The following MAPKBP1 variants were observed in gnomAD, a reference collection of about 807,000 sequenced individuals.
MAPKBP1 encodes mitogen-activated protein kinase binding protein 1.
A neutral mutation model predicts 170.5 loss-of-function variants in MAPKBP1; 71 were observed. The observed-to-expected ratio is 0.42, with a 90% CI of 0.34 to 0.51. The LOEUF is 0.51. Ranked by LOEUF, MAPKBP1 falls within the 20% of genes least tolerant of loss-of-function variation. The pLI, the probability that MAPKBP1 is intolerant of heterozygous loss-of-function variation, is 0.06. For missense variants in MAPKBP1, 1,598 were observed against 1,933.0 expected (o/e 0.83, Z 3.25); for synonymous variants, 719 against 757.9 (o/e 0.95, Z 0.84).
At chr15:41,799,732 C>T in intron 2 of MAPKBP1, 91 bp from the exon 3 acceptor site, 4 of 921,884 alleles carry the variant, frequency 4.3e-6, no homozygotes, top group Non-Finnish European at 7.0e-6. Context: ...TGGAAAGTAG[C>T]CAGTGCCTCA....
At chr15:41,784,538 C>T (rs2064247515) in intron 2 of MAPKBP1, among the ~76,000 whole-genome samples, 1 of 151,654 alleles carries the variant, frequency 6.6e-6, no homozygotes, top group Non-Finnish European at 1.5e-5. Context: ...AATCCCAGCA[C>T]TTTGGGAGGC....
chr15:41,804,825 T>C (rs2064661845), intron 3 of MAPKBP1, among the ~76,000 whole-genome samples: 1 of 152,236 alleles, frequency 6.6e-6, no homozygotes, highest in African/African-American at 2.4e-5. Context: ...TTTGATTTCT[T>C]AGAACTTGAA....
chr15:41,814,626 C>G lies in MAPKBP1; in HGVS notation c.1057C>G (p.Leu353Val). The change falls in exon 10 of 31, where the codon CTG (leucine) becomes GTG (valine). Residue 353 changes from leucine (L) to valine (V), a missense_variant. Physicochemically the swap from Leu to Val is conservative, Grantham distance 32. Around this residue, in one of 6 missense-constraint regions of MAPKBP1, gnomAD observed 430 missense variants for 617.2 expected, o/e 0.70. Transcript: ENST00000457542. ...ALTFDPTNQWLSCVYNDHSIY... is the reference protein window; with the variant it reads ...ALTFDPTNQWVSCVYNDHSIY... ...GACCTTTGATCCTACTAATCAGTGG[C>G]TGTCTTGTGTGTACAACGATCATAG... The G allele has an allele frequency of 6.2e-7, 1 of 1,614,222 alleles. No homozygotes were observed. Among genetic ancestry groups the G allele is most frequent in the Non-Finnish European group, 8.5e-7 (1 of 1,180,046 alleles).
Position 41,818,078 on chromosome 15 carries a change from C to T in MAPKBP1, c.1974C>T (p.Leu658=), listed in dbSNP as rs149750128. The change falls in exon 17 of 31, where the codon CTC becomes CTT. Residue 658 remains leucine, a synonymous_variant. Transcript: ENST00000457542. This position sits in a 1 kb window ranked among gnomAD's most constrained non-coding sequence, Gnocchi z 5.2. Reference sequence around the variant, plus strand: ...GGTCACAGGGTGAGGACGGCACACTCATTAAGGTAAGGACCCAGAGGGGGT... The same window carrying T: ...GGTCACAGGGTGAGGACGGCACACTTATTAAGGTAAGGACCCAGAGGGGGT... ...FKGSQGEDGT[L]IKVQTDPSGI... is the part of the protein sequence containing the mutation. 3.7e-6 allele frequency: 6 copies of T among 1,614,066 alleles called. No homozygotes were observed. The highest frequency in any genetic ancestry group is 2.7e-5 in the African/African-American group (2 of 75,012).
Position 41,823,758 on chromosome 15 carries a change from C to T in MAPKBP1, c.3910C>T (p.Leu1304=). The T allele has an allele frequency of 6.2e-7, 1 of 1,614,202 alleles. No individual in the cohort carries two copies. The highest frequency in any genetic ancestry group is 8.5e-7 in the Non-Finnish European group (1 of 1,180,040). The change falls in exon 29 of 31, where the codon CTG becomes TTG. Residue 1304 remains leucine, a synonymous_variant. Coordinates refer to ENST00000457542, the MANE Select transcript of MAPKBP1 (RefSeq NM_014994.3). ...IPKPLPDRPT[L]AAFSPVTKGR... ...CAAACCACTGCCTGACCGTCCTACC[C>T]TGGCTGCATTCTCTCCTGTCACCAA...
At chr15:41,788,350 G>C (rs2152070350) in intron 2 of MAPKBP1, among the ~76,000 whole-genome samples, 1 of 152,342 alleles carries the variant, frequency 6.6e-6, no homozygotes, top group Non-Finnish European at 1.5e-5. Flanking sequence ...TAAGCATACA[G>C]TTATATGAGA....
At position 41,774,520 on chromosome 15, in the gene MAPKBP1, C is replaced by T; in HGVS notation, c.-200C>T. 2 of 398,528 alleles carry T rather than the reference C, an allele frequency of 5.0e-6. No homozygotes were observed. The highest frequency in any genetic ancestry group is 6.3e-4 in the Middle Eastern group (1 of 1,590). 24.7% of individuals were successfully genotyped at this position (398,528 alleles called of 1,614,324 possible). A position where few individuals can be genotyped will look rare whatever the true frequency, so the allele number is the denominator to read the frequency against. The stretch of plus-strand genomic sequence containing the variant: ...GCCACCATAGCTCCTGCTGCTGCCT[C>T]TACCGCTGCGGCTACCGCGGCGGAG... On this transcript the variant is annotated 5_prime_UTR_variant, in exon 1 of 31. Coordinates refer to ENST00000457542, the MANE Select transcript of MAPKBP1 (RefSeq NM_014994.3).
intron 2 of MAPKBP1, among the ~76,000 whole-genome samples, chr15:41,781,342 T>C (rs754660454): frequency 6.6e-6 from 1 of 152,058 alleles, no homozygotes; most frequent in Non-Finnish European, 1.5e-5. Flanking sequence ...TCCAAAAGTG[T>C]GCAATGCTTT....
Position 41,817,470 on chromosome 15 carries a change from G to A in MAPKBP1, c.1782+12G>A. The A allele has an allele frequency of 1.9e-6, 3 of 1,613,952 alleles. No homozygotes were observed. The highest frequency in any genetic ancestry group is 2.5e-6 in the Non-Finnish European group (3 of 1,179,818). ...GCACTGCGCAGAAGGTGAGGGCGCTGGGCTTTCCTGAGAGGGGCGGGACAG... is the reference window on the plus strand; with the variant it reads ...GCACTGCGCAGAAGGTGAGGGCGCTAGGCTTTCCTGAGAGGGGCGGGACAG... On this transcript the variant is annotated intron_variant, in intron 15 of 30. Coordinates refer to ENST00000457542, the MANE Select transcript of MAPKBP1 (RefSeq NM_014994.3). The surrounding 1 kb of genome is among the most constrained non-coding windows in gnomAD (Gnocchi z 4.2).
chr15:41,784,277 C>T (rs1316578881), intron 2 of MAPKBP1, among the ~76,000 whole-genome samples: 3 of 152,086 alleles, frequency 2.0e-5, no homozygotes, highest in Admixed American at 1.3e-4. Context: ...TTGTAAGGCC[C>T]GTACAGCAGC....
rs373682432 is a variant in MAPKBP1 at position 41,817,883 on chromosome 15, A to G, written c.1905-126A>G. 1 of 1,529,434 alleles carries G rather than the reference A, an allele frequency of 6.5e-7. No homozygotes were observed. 94.7% of individuals were successfully genotyped at this position (1,529,434 alleles called of 1,614,324 possible). Reference sequence around the variant, plus strand: ...TACTTTGCTTCACCCAAGAGGTGGTAGCCTGTTTGCTGCTGGGGGTAGCTC... The same window carrying G: ...TACTTTGCTTCACCCAAGAGGTGGTGGCCTGTTTGCTGCTGGGGGTAGCTC... On this transcript the variant is annotated intron_variant, in intron 16 of 30. Coordinates refer to ENST00000457542, the MANE Select transcript of MAPKBP1 (RefSeq NM_014994.3). This position sits in a 1 kb window ranked among gnomAD's most constrained non-coding sequence, Gnocchi z 4.2.
At position 41,813,105 on chromosome 15, in the gene MAPKBP1, A is replaced by G. The variant is rs776503500; in HGVS notation, c.819+4A>G. ...GGACAAGTGGGTGGAGCTGAGGGTAAGTACCTCCGTCCCCAGGGGTAGGGT... is the reference window on the plus strand; with the variant it reads ...GGACAAGTGGGTGGAGCTGAGGGTAGGTACCTCCGTCCCCAGGGGTAGGGT... On this transcript the variant is annotated splice_donor_region_variant and intron_variant, in intron 8 of 30. Transcript: ENST00000457542. 4 of 1,596,068 alleles carry G rather than the reference A, an allele frequency of 2.5e-6. No individual in the cohort carries two copies. The Admixed American group carries it at 6.8e-5, about 27-fold the overall frequency.
At chr15:41,813,821 AC>A in intron 9 of MAPKBP1, 40 bp downstream of exon 9, 2 of 1,535,628 alleles carry the variant, frequency 1.3e-6, no homozygotes, top group Non-Finnish European at 1.7e-6. Context: ...TTGTAGCCTT[AC>A]CCCTGCCCAG....
intron 3 of MAPKBP1, among the ~76,000 whole-genome samples, chr15:41,802,182 C>T (rs1282136932): frequency 6.6e-6 from 1 of 152,116 alleles, no homozygotes; most frequent in Non-Finnish European, 1.5e-5. Context: ...TAAAAAGGCA[C>T]ACCTGTATAA....
At chr15:41,824,650 A>G in intron 30 of MAPKBP1, 81 bp downstream of exon 30, 2 of 1,322,746 alleles carry the variant, frequency 1.5e-6, no homozygotes. Context: ...CCAGAACAGT[A>G]TGCTAAGCCT....
chr15:41,786,143 T>A (rs886463673), intron 2 of MAPKBP1, among the ~76,000 whole-genome samples: 2 of 152,212 alleles, frequency 1.3e-5, no homozygotes, highest in Non-Finnish European at 2.9e-5. Flanking sequence ...TTTATGTTAA[T>A]GATTATTTAT....
intron 2 of MAPKBP1, among the ~76,000 whole-genome samples, chr15:41,796,552 C>T (rs2064492806): frequency 6.6e-6 from 1 of 152,192 alleles, no homozygotes; most frequent in African/African-American, 2.4e-5. Context: ...GCTGATGCCC[C>T]TGAATGTTTT....
At position 41,782,816 on chromosome 15, in the gene MAPKBP1, TA is replaced by T. The variant is rs201221807; in HGVS notation, c.114+7437del. Reference sequence around the variant, plus strand: ...GGGGGAAAAAAAAGGGACAGTTCCTTAAAAAAAAAATACTTTGTCCCCAACA... The same window carrying T: ...GGGGGAAAAAAAAGGGACAGTTCCTTAAAAAAAAATACTTTGTCCCCAACA... On this transcript the variant is annotated intron_variant, in intron 2 of 30. Coordinates refer to ENST00000457542, the MANE Select transcript of MAPKBP1 (RefSeq NM_014994.3). Among the ~76,000 whole-genome samples the T allele has an allele frequency of 3.3e-4, 49 of 149,394 alleles. No homozygotes were observed. The South Asian group carries it at 7.2e-3, about 22-fold the overall frequency.
chr15:41,815,725 C>A lies in MAPKBP1; in HGVS notation c.1419C>A (p.Arg473=), dbSNP rs150429615. The A allele has an allele frequency of 6.2e-6, 10 of 1,614,066 alleles. No homozygotes were observed. The African/African-American group carries it at 1.3e-4, about 22-fold the overall frequency. ...CTGATGCATCCCTGTTGGATCCCCG[C>A]GTGGGCATCCGCTCGGTGTGTGTCA... is the stretch of plus-strand genomic sequence containing the variant. ...DKADASLLDP[R]VGIRSVCVSP... The change falls in exon 12 of 31, where the codon CGC becomes CGA. Residue 473 remains arginine, a synonymous_variant. Coordinates refer to ENST00000457542, the MANE Select transcript of MAPKBP1 (RefSeq NM_014994.3).
Sources: allele counts gnomAD v4.1 joint callset (sites outside exome capture counted in the v4.1 genomes callset), GRCh38; gene constraint gnomAD v4.1.1; regional missense constraint gnomAD v4.1.1; non-coding constraint Gnocchi (gnomAD v3.1); transcripts MANE v1.5; gene names NCBI Gene and HGNC (gene_info 2026-07-23, HGNC 2026-07-21).